The following KCNMB2 variants were observed in gnomAD, a reference collection of about 807,000 sequenced individuals.
KCNMB2 encodes the protein potassium calcium-activated channel subfamily M regulatory beta subunit 2.
A neutral mutation model predicts 24.5 loss-of-function variants in KCNMB2; 9 were observed. That is an observed-to-expected ratio of 0.37 (90% CI 0.22 to 0.64). KCNMB2 has a LOEUF of 0.64. Ranked by LOEUF, KCNMB2 falls within the 30% of genes least tolerant of loss-of-function variation. The probability of loss-of-function intolerance (pLI) is 0.63; values close to 1 mark genes in which losing one functional copy is unlikely to be tolerated. For missense variants in KCNMB2, 226 were observed against 284.3 expected (o/e 0.79, Z 1.47); for synonymous variants, 109 against 104.4 (o/e 1.04, Z -0.27).
At chr3:178,755,171 C>A (rs2108393406) in intron 1 of KCNMB2, among the ~76,000 whole-genome samples, 1 of 152,312 alleles carries the variant, frequency 6.6e-6, no homozygotes, top group East Asian at 1.9e-4. Context: ...GGGGCAGCAG[C>A]AACAAGGAGA....
chr3:178,808,046 G>A (rs1714044986), intron 2 of KCNMB2, among the ~76,000 whole-genome samples: 1 of 152,050 alleles, frequency 6.6e-6, no homozygotes, highest in Non-Finnish European at 1.5e-5. Flanking sequence ...AGTATGAGAG[G>A]AGGAAAAGAG....
At chr3:178,703,865 T>G (rs1195776995) in intron 1 of KCNMB2, among the ~76,000 whole-genome samples, 1 of 152,172 alleles carries the variant, frequency 6.6e-6, no homozygotes, top group Non-Finnish European at 1.5e-5. Flanking sequence ...CACACATTTA[T>G]TATAAGATGT....
intron 4 of KCNMB2, among the ~76,000 whole-genome samples, chr3:178,834,455 G>C (rs865782280): frequency 1.3e-5 from 2 of 150,454 alleles, no homozygotes; most frequent in Middle Eastern, 3.4e-3. Context: ...CCTTCTGATA[G>C]ATATTTTGGT....
At chr3:178,673,497 C>T (rs1236385267) in intron 1 of KCNMB2, among the ~76,000 whole-genome samples, 4 of 152,012 alleles carry the variant, frequency 2.6e-5, no homozygotes, top group African/African-American at 4.8e-5. Flanking sequence ...AAGCTCCCAC[C>T]GTCACACTTA....
Position 178,760,077 on chromosome 3 carries a change from G to T in KCNMB2, c.-67-47266G>T, listed in dbSNP as rs189439353. Among the ~76,000 whole-genome samples, 154 of 16,650 alleles carry T rather than the reference G, an allele frequency of 9.2e-3. 3 individuals are homozygous for T. The highest frequency in any genetic ancestry group is 0.033 in the Middle Eastern group (1 of 30). 10.9% of individuals were successfully genotyped at this position (16,650 alleles called of 152,430 possible). On this transcript the variant is annotated intron_variant, in intron 1 of 4. Coordinates refer to ENST00000452583, the MANE Select transcript of KCNMB2 (RefSeq NM_181361.3). Reference sequence around the variant, plus strand: ...GGATATATCTATATATATATATATAGCCAAGAGGATATATCTATATATATA... The same window carrying T: ...GGATATATCTATATATATATATATATCCAAGAGGATATATCTATATATATA...
intron 1 of KCNMB2, among the ~76,000 whole-genome samples, chr3:178,731,111 G>T (rs368379018): frequency 1.1e-4 from 17 of 150,392 alleles, no homozygotes; most frequent in East Asian, 9.7e-4. Context: ...GGAAAAGAAA[G>T]AAAAAAAAAT....
At position 178,670,684 on chromosome 3, in the gene KCNMB2, C is replaced by T. The variant is rs147231190; in HGVS notation, c.-68+133973C>T. ...GTCATTCAGTTCTTAAGTTTTGAATCCGGGCTTTGAACCAGGTCATCTGAC... is the reference window on the plus strand; with the variant it reads ...GTCATTCAGTTCTTAAGTTTTGAATTCGGGCTTTGAACCAGGTCATCTGAC... On this transcript the variant is annotated intron_variant, in intron 1 of 4. Transcript: ENST00000452583. Among the ~76,000 whole-genome samples, 1,361 of 152,222 alleles carry T rather than the reference C, an allele frequency of 8.9e-3. 17 individuals are homozygous for T. The highest frequency in any genetic ancestry group is 0.011 in the Non-Finnish European group (746 of 68,002).
At chr3:178,767,765 C>A (rs1027976465) in intron 1 of KCNMB2, among the ~76,000 whole-genome samples, 1 of 152,110 alleles carries the variant, frequency 6.6e-6, no homozygotes, top group Non-Finnish European at 1.5e-5. Context: ...TCCTTTCCAG[C>A]TTCTCTCTCT....
chr3:178,586,206 A>T (rs995062657), intron 1 of KCNMB2, among the ~76,000 whole-genome samples: 6 of 152,164 alleles, frequency 3.9e-5, no homozygotes, highest in Non-Finnish European at 7.3e-5. Context: ...GACTAGATGA[A>T]TTCTAAGATT....
chr3:178,591,699 G>A (rs987751320), intron 1 of KCNMB2, among the ~76,000 whole-genome samples: 6 of 152,124 alleles, frequency 3.9e-5, no homozygotes, highest in African/African-American at 1.4e-4. Context: ...CAGAGAATAA[G>A]CGCTGGTCCC....
chr3:178,759,729 C>T (rs548730716), intron 1 of KCNMB2, among the ~76,000 whole-genome samples: 597 of 42,426 alleles, frequency 0.014, 15 homozygotes, highest in Non-Finnish European at 0.022. Context: ...TATATATACA[C>T]ATATATATAT....
At chr3:178,820,742 T>C (rs535225166) in intron 2 of KCNMB2, 1 of 152,672 alleles carries the variant, frequency 6.5e-6, no homozygotes, top group African/African-American at 2.4e-5. Context: ...GATTGAAGCC[T>C]TACTAAACAA....
chr3:178,724,347 T>C (rs1722901264), intron 1 of KCNMB2, among the ~76,000 whole-genome samples: 1 of 152,040 alleles, frequency 6.6e-6, no homozygotes, highest in East Asian at 1.9e-4. Context: ...CACTTTTTAA[T>C]AGGGTTGTTT....
intron 1 of KCNMB2, among the ~76,000 whole-genome samples, chr3:178,757,672 A>G (rs1437253141): frequency 6.5e-5 from 3 of 46,376 alleles, no homozygotes; most frequent in African/African-American, 3.1e-4. Context: ...ATGTATATAT[A>G]TCCAAGAGGA....
rs147214712 is a variant in KCNMB2 at position 178,675,031 on chromosome 3, C to T, written c.-67-132312C>T. Among the ~76,000 whole-genome samples, 491 of 152,308 alleles carry T rather than the reference C, an allele frequency of 3.2e-3. 3 individuals are homozygous for T. The highest frequency in any genetic ancestry group is 0.011 in the African/African-American group (449 of 41,556). On this transcript the variant is annotated intron_variant, in intron 1 of 4. Coordinates refer to ENST00000452583, the MANE Select transcript of KCNMB2 (RefSeq NM_181361.3). ...GTCCTCTGCTAATTGTTAAAATAGA[C>T]GGCAAGCTTCACAAGGACAGAAATA... is the stretch of plus-strand genomic sequence containing the variant.
In KCNMB2 at chr3:178,653,700, A is replaced by G. The variant is rs371190259; in HGVS notation, c.-68+116989A>G. Among the ~76,000 whole-genome samples, 3 of 152,266 alleles carry G rather than the reference A, an allele frequency of 2.0e-5. No individual in the cohort carries two copies. In the East Asian group the frequency reaches 5.8e-4, roughly 29 times the overall value. ...TTTCTCTATTAATGAATTGAATTACATTAATATATTATTAATATCAAATTG... is the reference window on the plus strand; with the variant it reads ...TTTCTCTATTAATGAATTGAATTACGTTAATATATTATTAATATCAAATTG... On this transcript the variant is annotated intron_variant, in intron 1 of 4. Coordinates refer to ENST00000452583, the MANE Select transcript of KCNMB2 (RefSeq NM_181361.3).
At position 178,718,365 on chromosome 3, in the gene KCNMB2, C is replaced by G. The variant is rs548302698; in HGVS notation, c.-67-88978C>G. On this transcript the variant is annotated intron_variant, in intron 1 of 4. Transcript: ENST00000452583. ...TCTTACCAAGTCCCTGAGTTTTTTT[C>G]TGTCTGTCTATCTCTGTATGTATGC... 2.6e-5 allele frequency among the ~76,000 whole-genome samples: 4 copies of G among 152,254 alleles called. No individual in the cohort carries two copies. The South Asian group carries it at 8.3e-4, about 32-fold the overall frequency.
At chr3:178,746,449 G>A (rs900348622) in intron 1 of KCNMB2, among the ~76,000 whole-genome samples, 2 of 152,134 alleles carry the variant, frequency 1.3e-5, no homozygotes, top group Middle Eastern at 3.2e-3. Context: ...GACAAAAGGG[G>A]CTGCTGTGAA....
At chr3:178,814,514 G>A (rs1011348446) in intron 2 of KCNMB2, among the ~76,000 whole-genome samples, 8 of 152,148 alleles carry the variant, frequency 5.3e-5, no homozygotes, top group African/African-American at 1.9e-4. Flanking sequence ...TGGTTGCTGG[G>A]TCAAATGGTA....
Sources: allele counts gnomAD v4.1 joint callset (sites outside exome capture counted in the v4.1 genomes callset), GRCh38; gene constraint gnomAD v4.1.1; transcripts MANE v1.5; gene names NCBI Gene and HGNC (gene_info 2026-07-23, HGNC 2026-07-21).